The following WWC2 variants were observed in gnomAD, a reference collection of about 807,000 sequenced individuals.
WWC2 encodes protein WWC2.
In WWC2, 101 loss-of-function variants were observed where a neutral mutation model predicts 138.5. The ratio of observed to expected loss-of-function variants is 0.73; its 90% confidence interval spans 0.62 to 0.86. The LOEUF (loss-of-function observed/expected upper bound fraction) is 0.86. WWC2 is among the 40% of genes least tolerant of loss of function. WWC2 has a pLI of 0.00. For synonymous variants in WWC2, 558 were observed against 538.4 expected (o/e 1.04, Z -0.50); for missense variants, 1,420 against 1,419.4 (o/e 1.00, Z -0.01).
intron 1 of WWC2, among the ~76,000 whole-genome samples, chr4:183,115,542 TTTATC>T (rs1732382597): frequency 6.6e-6 from 1 of 152,220 alleles, no homozygotes; most frequent in African/African-American, 2.4e-5. Flanking sequence ...TCTTTTGACT[TTTATC>T]TAATAGCCAT....
intron 1 of WWC2, among the ~76,000 whole-genome samples, chr4:183,148,708 A>T (rs900138486): frequency 1.3e-5 from 2 of 152,150 alleles, no homozygotes; most frequent in South Asian, 2.1e-4. Flanking sequence ...TTCTGTTCCC[A>T]AATTTGAGCT....
At chr4:183,213,915 C>A (rs1367409432) in intron 4 of WWC2, among the ~76,000 whole-genome samples, 1 of 148,336 alleles carries the variant, frequency 6.7e-6, no homozygotes. Flanking sequence ...ACTTTAAATT[C>A]AATTGCCGTT....
intron 9 of WWC2, among the ~76,000 whole-genome samples, chr4:183,255,358 A>G (rs882998): frequency 0.34 from 51,454 of 151,958 alleles, 9,072 homozygotes; most frequent in South Asian, 0.48. Flanking sequence ...GGGAGAATTA[A>G]TTTGTTTTTG....
intron 1 of WWC2, among the ~76,000 whole-genome samples, chr4:183,147,611 A>T (rs1427556797): frequency 6.6e-6 from 1 of 152,242 alleles, no homozygotes; most frequent in African/African-American, 2.4e-5. Context: ...TAAAAATGTC[A>T]TAAAAGAGAA....
chr4:183,293,579 C>CAA (rs1738532286), intron 21 of WWC2, among the ~76,000 whole-genome samples: 1 of 152,156 alleles, frequency 6.6e-6, no homozygotes, highest in African/African-American at 2.4e-5. Flanking sequence ...AATATTCTTC[C>CAA]ATTCAACATT....
At chr4:183,178,171 T>C (rs1734518690) in intron 1 of WWC2, among the ~76,000 whole-genome samples, 1 of 152,154 alleles carries the variant, frequency 6.6e-6, no homozygotes, top group Non-Finnish European at 1.5e-5. Flanking sequence ...CAACCTCACA[T>C]TATGAACATT....
chr4:183,115,494 T>G (rs1350077384), intron 1 of WWC2, among the ~76,000 whole-genome samples: 5 of 152,218 alleles, frequency 3.3e-5, no homozygotes, highest in Non-Finnish European at 5.9e-5. Flanking sequence ...CTACCAGCAG[T>G]GTTTAAGCAT....
chr4:183,143,253 C>A (rs1733356469), intron 1 of WWC2, among the ~76,000 whole-genome samples: 1 of 152,070 alleles, frequency 6.6e-6, no homozygotes, highest in Non-Finnish European at 1.5e-5. Context: ...TGACATTTTG[C>A]CAGAAAAAAA....
chr4:183,308,932 A>G (rs1183985442), intron 21 of WWC2, among the ~76,000 whole-genome samples: 4 of 152,212 alleles, frequency 2.6e-5, no homozygotes, highest in Non-Finnish European at 4.4e-5. Context: ...AGGGCTGACT[A>G]TATTCAACTG....
chr4:183,183,268 C>T (rs1734691831), intron 1 of WWC2, among the ~76,000 whole-genome samples: 2 of 152,176 alleles, frequency 1.3e-5, no homozygotes, highest in Admixed American at 1.3e-4. Flanking sequence ...CTTGCCGCAC[C>T]TATCACCCAT....
rs758366136 is a variant in WWC2 at position 183,245,511 on chromosome 4, G to T, written c.698G>T (p.Ser233Ile). ...TELKSIRKAI[S>I]SGEKEKQDLM... is the part of the protein sequence containing the mutation. ...CTAAAATCTATCAGAAAGGCAATTAGCTCAGGAGAAAAAGAAAAACAAGAT... is the reference window on the plus strand; with the variant it reads ...CTAAAATCTATCAGAAAGGCAATTATCTCAGGAGAAAAAGAAAAACAAGAT... Residue 233 changes from serine to isoleucine, a missense_variant, in exon 6 of 23, where the codon AGC (serine) becomes ATC (isoleucine). Transcript: ENST00000403733. 3.1e-6 allele frequency: 5 copies of T among 1,604,590 alleles called. No homozygotes were observed. In the South Asian group the frequency reaches 5.6e-5, roughly 18 times the overall value.
At chr4:183,140,176 A>G (rs915590499) in intron 1 of WWC2, among the ~76,000 whole-genome samples, 2 of 152,238 alleles carry the variant, frequency 1.3e-5, no homozygotes, top group Admixed American at 6.5e-5. Flanking sequence ...ATACTTGTAA[A>G]TGAATGAATG....
chr4:183,205,899 C>T (rs1735433687), intron 2 of WWC2, among the ~76,000 whole-genome samples: 1 of 152,184 alleles, frequency 6.6e-6, no homozygotes, highest in South Asian at 2.1e-4. Context: ...TGGCCTTGTG[C>T]ATTTCCCGTT....
chr4:183,314,402 C>G (rs1316029168), intron 22 of WWC2, among the ~76,000 whole-genome samples: 2 of 152,168 alleles, frequency 1.3e-5, no homozygotes, highest in African/African-American at 4.8e-5. Flanking sequence ...CCTTAAGATA[C>G]GAAGCATATT....
chr4:183,299,484 T>C (rs1341825150), intron 21 of WWC2, among the ~76,000 whole-genome samples: 1 of 152,234 alleles, frequency 6.6e-6, no homozygotes, highest in Non-Finnish European at 1.5e-5. Context: ...GTTTTTATCG[T>C]TATTTTTAAC....
intron 12 of WWC2, 107 bp from the exon 13 acceptor site, chr4:183,265,581 G>A: frequency 2.7e-6 from 3 of 1,119,866 alleles, no homozygotes; most frequent in Non-Finnish European, 3.9e-6. Flanking sequence ...GGGCATAGGA[G>A]TGCTGTTAAT....
At chr4:183,292,261 C>A (rs1332725609) in intron 21 of WWC2, among the ~76,000 whole-genome samples, 1 of 151,634 alleles carries the variant, frequency 6.6e-6, no homozygotes, top group African/African-American at 2.4e-5. Flanking sequence ...CAGACACACA[C>A]ACACATACTC....
At chr4:183,162,657 C>T (rs1483779475) in intron 1 of WWC2, among the ~76,000 whole-genome samples, 1 of 151,878 alleles carries the variant, frequency 6.6e-6, no homozygotes, top group East Asian at 1.9e-4. Flanking sequence ...GGTTTTTTTG[C>T]AGGAATTTTA....
intron 6 of WWC2, among the ~76,000 whole-genome samples, chr4:183,247,360 A>G (rs540714470): frequency 6.6e-6 from 1 of 151,870 alleles, no homozygotes; most frequent in Admixed American, 6.6e-5. Context: ...TTTGAAGAAC[A>G]CTGACTTTTT....
Sources: allele counts gnomAD v4.1 joint callset (sites outside exome capture counted in the v4.1 genomes callset), GRCh38; gene constraint gnomAD v4.1.1; transcripts MANE v1.5; gene names NCBI Gene and HGNC (gene_info 2026-07-23, HGNC 2026-07-21).